PTPRT: variants seen among roughly 807,000 people sequenced by gnomAD.
PTPRT encodes receptor-type tyrosine-protein phosphatase T.
PTPRT carries 56 observed loss-of-function variants against 176.8 expected under a neutral mutation model. The observed-to-expected ratio is 0.32, with a 90% CI of 0.26 to 0.40. PTPRT has a LOEUF of 0.40. Ranked by LOEUF, PTPRT falls within the 10% of genes least tolerant of loss-of-function variation. The pLI, the probability that PTPRT is intolerant of heterozygous loss-of-function variation, is 1.00. For missense variants in PTPRT, 1,540 were observed against 1,908.2 expected (o/e 0.81, Z 3.60); for synonymous variants, 783 against 739.0 (o/e 1.06, Z -0.96).
intron 7 of PTPRT, among the ~76,000 whole-genome samples, chr20:42,631,410 G>T (rs2145889878): frequency 6.6e-6 from 1 of 152,256 alleles, no homozygotes; most frequent in Admixed American, 6.5e-5. Flanking sequence ...ACTCAATTCA[G>T]CTTCACATAT....
chr20:42,167,071 CT>C (rs1365039823), intron 16 of PTPRT, among the ~76,000 whole-genome samples: 2 of 152,144 alleles, frequency 1.3e-5, no homozygotes, highest in African/African-American at 4.8e-5. Flanking sequence ...ATCTCAGTTT[CT>C]TTATCTATAA....
chr20:42,837,106 A>C (rs567276322), intron 2 of PTPRT, among the ~76,000 whole-genome samples: 29 of 152,154 alleles, frequency 1.9e-4, no homozygotes, highest in Non-Finnish European at 4.0e-4. Flanking sequence ...TATAGATGGG[A>C]GAACAAGGCC....
chr20:42,385,958 A>T (rs2058740516), intron 9 of PTPRT, among the ~76,000 whole-genome samples: 2 of 152,218 alleles, frequency 1.3e-5, no homozygotes, highest in African/African-American at 4.8e-5. Flanking sequence ...ATCTCATGCT[A>T]AGTTTTCTTA....
chr20:42,972,515 A>C (rs994285151), intron 1 of PTPRT, among the ~76,000 whole-genome samples: 1 of 151,634 alleles, frequency 6.6e-6, no homozygotes, highest in Admixed American at 6.6e-5. Flanking sequence ...TACAAAAATT[A>C]GCTGCTTGTG....
At chr20:42,691,648 G>GCTGCCT (rs1391338792) in intron 6 of PTPRT, among the ~76,000 whole-genome samples, 2 of 152,140 alleles carry the variant, frequency 1.3e-5, no homozygotes, top group Non-Finnish European at 2.9e-5. Context: ...TTCCCCTAGG[G>GCTGCCT]CTGCCTCTGC....
At position 42,618,136 on chromosome 20, in the gene PTPRT, C is replaced by T. The variant is rs369893123; in HGVS notation, c.1153+59730G>A. Among the ~76,000 whole-genome samples, 20 of 134,248 alleles carry T rather than the reference C, an allele frequency of 1.5e-4. 2 individuals are homozygous for T. The highest frequency in any genetic ancestry group is 4.7e-4 in the South Asian group (2 of 4,262). 88.1% of individuals were successfully genotyped at this position (134,248 alleles called of 152,430 possible). On this transcript the variant is annotated intron_variant, in intron 7 of 30. Transcript: ENST00000373187. ...ATGCGTCCCAGAGATTCTGGTATGT[C>T]GTGTCTTTGTTCTCGTTGGTTTCAA...
intron 1 of PTPRT, among the ~76,000 whole-genome samples, chr20:43,056,989 C>G (rs1290564912): frequency 2.6e-5 from 4 of 151,928 alleles, no homozygotes; most frequent in Non-Finnish European, 5.9e-5. Flanking sequence ...TGATGAATCT[C>G]CAGGGCATTG....
intron 6 of PTPRT, among the ~76,000 whole-genome samples, chr20:42,729,221 CTCT>C (rs1227775431): frequency 1.3e-5 from 2 of 152,282 alleles, no homozygotes; most frequent in East Asian, 3.9e-4. Flanking sequence ...AAAAATGCTT[CTCT>C]TGTTTCCCTT....
At chr20:42,596,459 GT>G (rs2073672581) in intron 7 of PTPRT, among the ~76,000 whole-genome samples, 1 of 152,106 alleles carries the variant, frequency 6.6e-6, no homozygotes, top group African/African-American at 2.4e-5. Flanking sequence ...GGCGGTCTTT[GT>G]AAAACCCAAC....
intron 7 of PTPRT, among the ~76,000 whole-genome samples, chr20:42,578,250 G>A (rs1255268692): frequency 1.3e-5 from 2 of 152,046 alleles, no homozygotes; most frequent in Non-Finnish European, 2.9e-5. Context: ...CACTCCTTTT[G>A]CTTCCAGGAC....
intron 1 of PTPRT, among the ~76,000 whole-genome samples, chr20:42,929,787 C>G (rs1295221532): frequency 6.6e-6 from 1 of 152,234 alleles, no homozygotes; most frequent in African/African-American, 2.4e-5. Context: ...GCGTCCTTGG[C>G]TCCTGCAAGC....
chr20:42,645,771 T>A (rs1472014466), intron 7 of PTPRT, among the ~76,000 whole-genome samples: 2 of 112,386 alleles, frequency 1.8e-5, no homozygotes, highest in African/African-American at 7.0e-5. Flanking sequence ...TTTATGTGTG[T>A]GTGTGTGTGT....
chr20:42,916,741 T>C (rs1978786564), intron 1 of PTPRT, among the ~76,000 whole-genome samples: 1 of 152,236 alleles, frequency 6.6e-6, no homozygotes, highest in Non-Finnish European at 1.5e-5. Context: ...TTTCATGTTT[T>C]TTTTGATTGC....
Position 42,599,575 on chromosome 20 carries a change from G to A in PTPRT, c.1153+78291C>T, listed in dbSNP as rs551030541. On this transcript the variant is annotated intron_variant, in intron 7 of 30. Coordinates refer to ENST00000373187, the MANE Select transcript of PTPRT (RefSeq NM_007050.6). The stretch of plus-strand genomic sequence containing the variant: ...TCCAGGGTCTGCTACTCTGCTATCT[G>A]GGAAGATGCTCATTTGCATTGGTTC... Among the ~76,000 whole-genome samples, 6 of 152,204 alleles carry A rather than the reference G, an allele frequency of 3.9e-5. 1 individual carries two copies. The South Asian group carries it at 1.0e-3, about 26-fold the overall frequency.
chr20:42,161,523 C>T lies in PTPRT; in HGVS notation c.2511G>A (p.Glu837=), dbSNP rs1247986264. ...VNGFTDGSRG[E]LSQPTLTIQT... is the part of the protein sequence containing the mutation. ...GGATCGTGAGGGTGGGCTGGGAAAG[C>T]TCCCCGCGGCTGCCATCTGCTTCGA... Residue 837 remains glutamate, a synonymous_variant, in exon 17 of 31, where the codon GAG becomes GAA. Transcript: ENST00000373187. 5.0e-6 allele frequency: 8 copies of T among 1,609,672 alleles called. No homozygotes were observed. The highest frequency in any genetic ancestry group is 6.8e-6 in the Non-Finnish European group (8 of 1,177,862).
chr20:42,965,964 A>G (rs1982269460), intron 1 of PTPRT, among the ~76,000 whole-genome samples: 1 of 152,264 alleles, frequency 6.6e-6, no homozygotes, highest in South Asian at 2.1e-4. Context: ...TAGAAGGTGC[A>G]GAAAAGTGTG....
chr20:42,380,554 G>A (rs376448695), intron 9 of PTPRT, among the ~76,000 whole-genome samples: 46 of 152,296 alleles, frequency 3.0e-4, no homozygotes, highest in South Asian at 8.3e-4. Flanking sequence ...GGCCCCAATC[G>A]GAATGGGGAA....
At position 42,920,746 on chromosome 20, in the gene PTPRT, G is replaced by C. The variant is rs114287596; in HGVS notation, c.89-34814C>G. 7.4e-3 allele frequency among the ~76,000 whole-genome samples: 1,131 copies of C among 152,092 alleles called. 10 individuals are homozygous for C. The highest frequency in any genetic ancestry group is 0.025 in the African/African-American group (1,057 of 41,512). Reference sequence around the variant, plus strand: ...CACATTTGTGAAAGAAGAGGAAAAAGAAAAAACAAACTGCAGCATACATTT... The same window carrying C: ...CACATTTGTGAAAGAAGAGGAAAAACAAAAAACAAACTGCAGCATACATTT... On this transcript the variant is annotated intron_variant, in intron 1 of 30. Coordinates refer to ENST00000373187, the MANE Select transcript of PTPRT (RefSeq NM_007050.6).
intron 15 of PTPRT, among the ~76,000 whole-genome samples, chr20:42,231,160 C>G (rs558232637): frequency 6.6e-6 from 1 of 152,360 alleles, no homozygotes; most frequent in African/African-American, 2.4e-5. Context: ...TAGAAGGGCA[C>G]TGATGGCCAT....
Sources: gnomAD v4.1 joint callset for allele counts (sites outside exome capture counted in the v4.1 genomes callset) on GRCh38, gnomAD v4.1.1 for gene constraint, MANE v1.5 for transcripts, NCBI Gene and HGNC (gene_info 2026-07-23, HGNC 2026-07-21) for gene names.